The following RAPGEF4 variants were observed in gnomAD, a reference collection of about 807,000 sequenced individuals.
RAPGEF4 encodes the protein RAP guanine-nucleotide-exchange factor (GEF) 4.
A neutral mutation model predicts 147.9 loss-of-function variants in RAPGEF4; 66 were observed. The observed-to-expected ratio is 0.45, with a 90% confidence interval of 0.37 to 0.55. The LOEUF (loss-of-function observed/expected upper bound fraction) is 0.55. Among genes scored for constraint, RAPGEF4 ranks in the 20% least tolerant of loss-of-function variants. The pLI is 0.00. For synonymous variants in RAPGEF4, 419 were observed against 442.7 expected, an observed-to-expected ratio of 0.95 and a Z score of 0.67; for missense variants, 1,071 against 1,257.3, an observed-to-expected ratio of 0.85 and a Z score of 2.24.
chr2:172,860,367 TTC>T (rs746193107), intron 4 of RAPGEF4: 2 of 963,458 alleles, frequency 2.1e-6, no homozygotes, highest in African/African-American at 1.8e-5. Flanking sequence ...CTTGTTTCTC[TTC>T]TCTGTGTTTT....
chr2:172,990,017 C>CAAAAA (rs10689863), intron 14 of RAPGEF4, among the ~76,000 whole-genome samples: 11 of 128,890 alleles, frequency 8.5e-5, no homozygotes, highest in South Asian at 5.0e-4. Flanking sequence ...GGTCTTAATG[C>CAAAAA]AAAAAAAAAA....
Position 172,967,406 on chromosome 2 carries a change from G to T in RAPGEF4, c.966G>T (p.Met322Ile), listed in dbSNP as rs1480399930. The T allele has an allele frequency of 1.9e-6, 3 of 1,611,708 alleles. No individual in the cohort carries two copies. The highest frequency in any genetic ancestry group is 2.7e-5 in the African/African-American group (2 of 74,854). ...ACACCATGCTGCTGCTGTCACAGAT[G>T]GGCCCCGACGCCCACATGAGGATGA... is the stretch of plus-strand genomic sequence containing the variant. ...LQDTMLLLSQ[M>I]GPDAHMRMIL... The change falls in exon 10 of 31, where the codon ATG becomes ATT. Residue 322 changes from methionine to isoleucine, a missense_variant. Physicochemically the swap from Met to Ile is conservative, Grantham distance 10. Coordinates refer to ENST00000397081, the MANE Select transcript of RAPGEF4 (RefSeq NM_007023.4).
intron 1 of RAPGEF4, among the ~76,000 whole-genome samples, chr2:172,747,583 G>A (rs1227995867): frequency 6.6e-6 from 1 of 152,072 alleles, no homozygotes; most frequent in African/African-American, 2.4e-5. Context: ...CCTCTGCCTT[G>A]GCTTCCCAAG....
chr2:172,886,543 C>A (rs1415268852), intron 4 of RAPGEF4, among the ~76,000 whole-genome samples: 2 of 152,074 alleles, frequency 1.3e-5, no homozygotes, highest in Non-Finnish European at 1.5e-5. Context: ...GCATTTCTTC[C>A]CTCTTGATTT....
intron 6 of RAPGEF4, among the ~76,000 whole-genome samples, chr2:172,958,906 T>C (rs1689003266): frequency 6.6e-6 from 1 of 152,362 alleles, no homozygotes. Context: ...AAACTTATTG[T>C]TAATTTAAAA....
At chr2:172,918,117 T>C in intron 5 of RAPGEF4, 2 of 657,042 alleles carry the variant, frequency 3.0e-6, no homozygotes, top group Non-Finnish European at 5.5e-6. Context: ...TTGGCATGCA[T>C]AGAATACTTT....
chr2:172,950,922 T>C (rs1019067769), intron 6 of RAPGEF4, among the ~76,000 whole-genome samples: 1 of 152,278 alleles, frequency 6.6e-6, no homozygotes, highest in Non-Finnish European at 1.5e-5. Flanking sequence ...GTTCTACTGA[T>C]ACTCATCCAA....
At chr2:172,900,137 T>G (rs190219643) in intron 4 of RAPGEF4, among the ~76,000 whole-genome samples, 1 of 152,322 alleles carries the variant, frequency 6.6e-6, no homozygotes, top group East Asian at 1.9e-4. Context: ...AGCCTGGAAT[T>G]GAGTTGAGGA....
At chr2:172,912,798 C>T (rs1683576706) in intron 4 of RAPGEF4, among the ~76,000 whole-genome samples, 1 of 152,112 alleles carries the variant, frequency 6.6e-6, no homozygotes, top group Admixed American at 6.6e-5. Context: ...TCATTTTCCA[C>T]ATTCCTGCAG....
intron 4 of RAPGEF4, among the ~76,000 whole-genome samples, chr2:172,888,725 G>A (rs950872175): frequency 6.6e-5 from 10 of 152,140 alleles, no homozygotes; most frequent in African/African-American, 1.9e-4. Context: ...GCTTGGTGAC[G>A]TGGCTTGTTA....
Position 173,036,106 on chromosome 2 carries a change from T to C in RAPGEF4, c.2701-19T>C, listed in dbSNP as rs746464977. On this transcript the variant is annotated intron_variant, in intron 27 of 30. Transcript: ENST00000397081. ...TATCTGTCACCAGTCATTACCATCA[T>C]CTCTTTTTCTCTCCTAAGGACCCTT... 1 of 1,561,574 alleles carries C rather than the reference T, an allele frequency of 6.4e-7. No individual in the cohort carries two copies. Among genetic ancestry groups the C allele is most frequent in the South Asian group, 1.1e-5 (1 of 89,970 alleles).
At chr2:172,758,771 A>G (rs1696023000) in intron 1 of RAPGEF4, among the ~76,000 whole-genome samples, 1 of 152,182 alleles carries the variant, frequency 6.6e-6, no homozygotes, top group Non-Finnish European at 1.5e-5. Context: ...GGACATGTTG[A>G]GTTTGAGATA....
chr2:173,037,201 CTTGTTTTTAACATTTTTATATA>C (rs1335047991), intron 29 of RAPGEF4, among the ~76,000 whole-genome samples: 1 of 152,186 alleles, frequency 6.6e-6, no homozygotes, highest in East Asian at 1.9e-4. Context: ...AGTTTTTAAT[CTTGTTTTTAACATTTTTATATA>C]TTTACTTATT....
In RAPGEF4 at chr2:172,735,966, C is replaced by T. The variant is rs1185487735; in HGVS notation, c.-18C>T. 3.4e-6 allele frequency: 5 copies of T among 1,454,582 alleles called. No individual in the cohort carries two copies. The highest frequency in any genetic ancestry group is 4.5e-6 in the Non-Finnish European group (5 of 1,100,820). 90.1% of individuals were successfully genotyped at this position (1,454,582 alleles called of 1,614,324 possible). A position where few individuals can be genotyped will look rare whatever the true frequency, so the allele number is the denominator to read the frequency against. Reference sequence around the variant, plus strand: ...GGGAGGTCGCCGCAGCCAGGGACACCGCGCGCCGCCGCTCAACATGGTCGC... The same window carrying T: ...GGGAGGTCGCCGCAGCCAGGGACACTGCGCGCCGCCGCTCAACATGGTCGC... On this transcript the variant is annotated 5_prime_UTR_variant, in exon 1 of 31. Transcript: ENST00000397081.
intron 1 of RAPGEF4, among the ~76,000 whole-genome samples, chr2:172,777,038 A>G (rs1574799789): frequency 6.6e-6 from 1 of 151,972 alleles, no homozygotes; most frequent in Non-Finnish European, 1.5e-5. Flanking sequence ...GAGAGTCTGG[A>G]TTGTGTTTCT....
intron 30 of RAPGEF4, among the ~76,000 whole-genome samples, chr2:173,050,153 GT>G (rs2106102717): frequency 6.6e-6 from 1 of 152,344 alleles, no homozygotes; most frequent in South Asian, 2.1e-4. Flanking sequence ...ATTTGTTGAA[GT>G]TATCAGTAAC....
intron 6 of RAPGEF4, among the ~76,000 whole-genome samples, chr2:172,929,663 A>C (rs921958567): frequency 2.0e-5 from 3 of 152,220 alleles, no homozygotes; most frequent in Admixed American, 1.3e-4. Context: ...TGCTTGCTTG[A>C]AAATCTTCAA....
At position 173,028,571 on chromosome 2, in the gene RAPGEF4, T is replaced by TA. The variant is rs1559197149; in HGVS notation, c.2558+1312_2558+1313insA. On this transcript the variant is annotated intron_variant, in intron 25 of 30. Transcript: ENST00000397081. ...AGGACTTTTTTTTATATATATATAT[T>TA]TTTGCTTTTCTTATCCCTCTCCCTT... Among the ~76,000 whole-genome samples the TA allele has an allele frequency of 7.2e-4, 109 of 152,034 alleles. 2 individuals are homozygous for TA. The highest frequency in any genetic ancestry group is 1.8e-4 in the Non-Finnish European group (12 of 67,986).
intron 1 of RAPGEF4, among the ~76,000 whole-genome samples, chr2:172,779,440 T>C (rs1478240180): frequency 6.6e-6 from 1 of 152,062 alleles, no homozygotes; most frequent in Non-Finnish European, 1.5e-5. Flanking sequence ...GAAGGAATAG[T>C]TGTTGCAAGG....
Sources: gnomAD v4.1 joint callset for allele counts (sites outside exome capture counted in the v4.1 genomes callset) on GRCh38, gnomAD v4.1.1 for gene constraint, MANE v1.5 for transcripts, NCBI Gene and HGNC (gene_info 2026-07-23, HGNC 2026-07-21) for gene names.